The following TMEM108 variants were observed in gnomAD, a reference collection of about 807,000 sequenced individuals.
TMEM108 encodes the protein cancer/testis antigen 124.
In TMEM108, 12 loss-of-function variants were observed where a neutral mutation model predicts 35.1. That is an observed-to-expected ratio of 0.34 (90% confidence interval 0.22 to 0.55). TMEM108 has a LOEUF of 0.55. Ranked by LOEUF, TMEM108 falls within the 20% of genes least tolerant of loss-of-function variation. TMEM108 has a pLI of 0.89. For synonymous variants in TMEM108, 287 were observed against 308.6 expected, an observed-to-expected ratio of 0.93 and a Z score of 0.73; for missense variants, 680 against 753.3, an observed-to-expected ratio of 0.90 and a Z score of 1.14.
chr3:133,214,527 G>A (rs966198676), intron 2 of TMEM108, among the ~76,000 whole-genome samples: 3 of 152,184 alleles, frequency 2.0e-5, no homozygotes. Flanking sequence ...CTAGGGAGAC[G>A]GAAATCTCAT....
At chr3:133,178,098 C>A (rs376362471) in intron 2 of TMEM108, among the ~76,000 whole-genome samples, 2 of 152,074 alleles carry the variant, frequency 1.3e-5, no homozygotes, top group African/African-American at 2.4e-5. Flanking sequence ...TAGGAATCCA[C>A]CTTCCAAGGG....
At chr3:133,201,068 T>C (rs956186090) in intron 2 of TMEM108, among the ~76,000 whole-genome samples, 2 of 152,178 alleles carry the variant, frequency 1.3e-5, no homozygotes, top group Non-Finnish European at 2.9e-5. Flanking sequence ...CCTGAACTTA[T>C]ACCAAGTACA....
intron 2 of TMEM108, among the ~76,000 whole-genome samples, chr3:133,130,422 C>G (rs778850018): frequency 2.6e-5 from 4 of 152,158 alleles, no homozygotes; most frequent in Non-Finnish European, 4.4e-5. Context: ...GAAGCTAGCC[C>G]ACTTACATGT....
intron 3 of TMEM108, among the ~76,000 whole-genome samples, chr3:133,377,715 C>T (rs918067404): frequency 6.6e-6 from 1 of 152,224 alleles, no homozygotes; most frequent in African/African-American, 2.4e-5. Flanking sequence ...GGTCCCCAAC[C>T]ACTGGGTCAC....
At position 133,185,784 on chromosome 3, in the gene TMEM108, C is replaced by CTTTTCTTTTTT. The variant is rs1441056931; in HGVS notation, c.-46-43478_-46-43477insCTTTTTTTTTT. 7.6e-4 allele frequency among the ~76,000 whole-genome samples: 97 copies of CTTTTCTTTTTT among 127,118 alleles called. 1 individual carries two copies. Among genetic ancestry groups the CTTTTCTTTTTT allele is most frequent in the Middle Eastern group, 8.1e-3 (2 of 246 alleles). The allele number at this position is 127,118 out of a possible 152,430, so 83.4% of individuals were successfully genotyped here. On this transcript the variant is annotated intron_variant, in intron 2 of 5. Transcript: ENST00000321871. Reference sequence around the variant, plus strand: ...CGTTTCTTTTCTTTTCTTTTCTTTTCTTTTTTTTTTTTTTTGAGACAGAGT... The same window carrying CTTTTCTTTTTT: ...CGTTTCTTTTCTTTTCTTTTCTTTTCTTTTCTTTTTTTTTTTTTTTTTTTTTGAGACAGAGT...
At chr3:133,256,827 T>C (rs1576416251) in intron 3 of TMEM108, among the ~76,000 whole-genome samples, 1 of 152,228 alleles carries the variant, frequency 6.6e-6, no homozygotes, top group Non-Finnish European at 1.5e-5. Context: ...TAAATGTAAA[T>C]GGACCAAACT....
intron 4 of TMEM108, chr3:133,389,328 C>A: frequency 1.0e-6 from 1 of 985,488 alleles, no homozygotes; most frequent in Non-Finnish European, 1.2e-6. Context: ...TGGAGCCCAC[C>A]TCAGGCCATC....
intron 2 of TMEM108, among the ~76,000 whole-genome samples, chr3:133,117,374 A>G (rs534896504): frequency 3.7e-4 from 56 of 152,196 alleles, no homozygotes; most frequent in Non-Finnish European, 6.0e-4. Flanking sequence ...TCTGTTTTGT[A>G]TCTGGACTGT....
chr3:133,176,338 G>T (rs1285078554), intron 2 of TMEM108, among the ~76,000 whole-genome samples: 2 of 152,182 alleles, frequency 1.3e-5, no homozygotes, highest in African/African-American at 4.8e-5. Flanking sequence ...GACATCTACA[G>T]AACTCTCCAC....
intron 4 of TMEM108, 56 bp downstream of exon 4, chr3:133,381,217 C>T (rs1708398266): frequency 6.7e-7 from 1 of 1,502,656 alleles, no homozygotes; most frequent in Non-Finnish European, 8.9e-7. Context: ...CTGGCTCAAC[C>T]CCAGCATTCC....
chr3:133,151,903 C>T (rs1002274769), intron 2 of TMEM108, among the ~76,000 whole-genome samples: 9 of 152,106 alleles, frequency 5.9e-5, no homozygotes, highest in Non-Finnish European at 1.2e-4. Flanking sequence ...CTTTCTATGG[C>T]AGAATAGAAG....
chr3:133,169,448 A>G (rs146043066), intron 2 of TMEM108, among the ~76,000 whole-genome samples: 97 of 152,348 alleles, frequency 6.4e-4, no homozygotes, highest in African/African-American at 2.1e-3. Flanking sequence ...TCATTATTTT[A>G]TTCCTAGTGT....
chr3:133,303,694 AGATT>A (rs1304467749), intron 3 of TMEM108, among the ~76,000 whole-genome samples: 10 of 152,302 alleles, frequency 6.6e-5, no homozygotes, highest in South Asian at 2.1e-4. Flanking sequence ...AACTTACCCT[AGATT>A]GATTGATCAA....
At chr3:133,375,328 C>A (rs983763017) in intron 3 of TMEM108, among the ~76,000 whole-genome samples, 1 of 152,150 alleles carries the variant, frequency 6.6e-6, no homozygotes, top group Non-Finnish European at 1.5e-5. Flanking sequence ...TGTCTGGACA[C>A]CCATCAATAT....
intron 2 of TMEM108, among the ~76,000 whole-genome samples, chr3:133,094,131 C>T (rs1943981542): frequency 6.6e-6 from 1 of 152,036 alleles, no homozygotes; most frequent in South Asian, 2.1e-4. Context: ...TGAAGATATG[C>T]AGGTCTGTTT....
chr3:133,161,008 A>G (rs890680226), intron 2 of TMEM108, among the ~76,000 whole-genome samples: 2 of 152,110 alleles, frequency 1.3e-5, no homozygotes, highest in Non-Finnish European at 2.9e-5. Flanking sequence ...TGCCAATATG[A>G]TCTTTTAAAA....
At chr3:133,134,807 C>G (rs920649854) in intron 2 of TMEM108, among the ~76,000 whole-genome samples, 2 of 151,994 alleles carry the variant, frequency 1.3e-5, no homozygotes, top group Non-Finnish European at 2.9e-5. Flanking sequence ...TCTGTAGTAT[C>G]CATTATACTA....
chr3:133,136,285 A>T (rs539310295), intron 2 of TMEM108, among the ~76,000 whole-genome samples: 1 of 152,318 alleles, frequency 6.6e-6, no homozygotes, highest in Non-Finnish European at 1.5e-5. Flanking sequence ...CAGGCTGACA[A>T]ATGTAACCCA....
intron 2 of TMEM108, among the ~76,000 whole-genome samples, chr3:133,135,958 A>C (rs2107749942): frequency 6.6e-6 from 1 of 152,240 alleles, no homozygotes; most frequent in East Asian, 1.9e-4. Flanking sequence ...AAGAATTAAT[A>C]TTTGAGATGT....
Sources: gnomAD v4.1 joint callset for allele counts (sites outside exome capture counted in the v4.1 genomes callset) on GRCh38, gnomAD v4.1.1 for gene constraint, MANE v1.5 for transcripts, NCBI Gene and HGNC (gene_info 2026-07-23, HGNC 2026-07-21) for gene names.